Variants in IGF1R observed in about 807,000 individuals in gnomAD.
IGF1R encodes the protein insulin-like growth factor 1 receptor.
IGF1R carries 44 observed loss-of-function variants against 144.6 expected under a neutral mutation model. That is an observed-to-expected ratio of 0.30 (90% CI 0.24 to 0.39). The LOEUF (loss-of-function observed/expected upper bound fraction) is 0.39, where lower values mean the gene tolerates loss of function less well. IGF1R is among the 10% of genes least tolerant of loss of function. The pLI is 1.00. For synonymous variants in IGF1R, 795 were observed against 722.8 expected (o/e 1.10, Z -1.60); for missense variants, 1,355 against 1,833.7 (o/e 0.74, Z 4.77).
chr15:98,777,763 G>A (rs185311175), intron 2 of IGF1R, among the ~76,000 whole-genome samples: 20 of 152,344 alleles, frequency 1.3e-4, no homozygotes, highest in Non-Finnish European at 2.5e-4. Flanking sequence ...ACAGATGTAA[G>A]ATGAGGTCTG....
chr15:98,744,659 A>C (rs553857256), intron 2 of IGF1R, among the ~76,000 whole-genome samples: 1 of 152,274 alleles, frequency 6.6e-6, no homozygotes, highest in South Asian at 2.1e-4. Flanking sequence ...GTAAGGACCC[A>C]GAGGTCTGAG....
At chr15:98,805,530 G>A (rs2056452850) in intron 2 of IGF1R, among the ~76,000 whole-genome samples, 1 of 151,922 alleles carries the variant, frequency 6.6e-6, no homozygotes, top group South Asian at 2.1e-4. Flanking sequence ...GTGATTCAGA[G>A]CACCTGAGAG....
chr15:98,950,947 C>T (rs1421930289), intron 20 of IGF1R, among the ~76,000 whole-genome samples: 1 of 152,184 alleles, frequency 6.6e-6, no homozygotes, highest in Non-Finnish European at 1.5e-5. Flanking sequence ...TCCCTAAGCT[C>T]CTTGTAAATG....
chr15:98,705,792 TTC>T (rs1183480388), intron 1 of IGF1R, among the ~76,000 whole-genome samples: 1 of 152,210 alleles, frequency 6.6e-6, no homozygotes, highest in African/African-American at 2.4e-5. Context: ...TCACATGGGC[TTC>T]TCTCCCGCTC....
At position 98,736,610 on chromosome 15, in the gene IGF1R, C is replaced by CTTTT. The variant is rs1321651793; in HGVS notation, c.640+28506_640+28509dup. Among the ~76,000 whole-genome samples, 4 of 138,978 alleles carry CTTTT rather than the reference C, an allele frequency of 2.9e-5. 1 individual carries two copies. Among genetic ancestry groups the CTTTT allele is most frequent in the Non-Finnish European group, 6.4e-5 (4 of 62,898 alleles). The allele number at this position is 138,978 out of a possible 152,430, so 91.2% of individuals were successfully genotyped here. ...AATTAGTGGGAATATTTTCTTTTTT[C>CTTTT]TTTTTTCTTTTTTTTTTTTGAGACA... On this transcript the variant is annotated intron_variant, in intron 2 of 20. Coordinates refer to ENST00000650285, the MANE Select transcript of IGF1R (RefSeq NM_000875.5).
chr15:98,772,604 C>T (rs1596291308), intron 2 of IGF1R, among the ~76,000 whole-genome samples: 1 of 151,484 alleles, frequency 6.6e-6, no homozygotes, highest in East Asian at 1.9e-4. Flanking sequence ...TCAAACAGTC[C>T]TCCTCCCTCA....
At chr15:98,900,888 T>C (rs2014447312) in intron 5 of IGF1R, 1 of 152,204 alleles carries the variant, frequency 6.6e-6, no homozygotes, top group African/African-American at 2.4e-5. Flanking sequence ...AGCAGAGCAG[T>C]AGCTGTCAAA....
At chr15:98,654,079 C>G (rs576344131) in intron 1 of IGF1R, among the ~76,000 whole-genome samples, 1 of 152,288 alleles carries the variant, frequency 6.6e-6, no homozygotes, top group Non-Finnish European at 1.5e-5. Flanking sequence ...GTGCAGTTTT[C>G]AAGTAGACAG....
At chr15:98,700,904 A>G (rs535683490) in intron 1 of IGF1R, among the ~76,000 whole-genome samples, 4 of 151,784 alleles carry the variant, frequency 2.6e-5, no homozygotes, top group East Asian at 1.9e-4. Flanking sequence ...GGTTCTGTCT[A>G]TTGCGCTATT....
At chr15:98,864,729 T>A (rs536235091) in intron 2 of IGF1R, among the ~76,000 whole-genome samples, 2 of 152,376 alleles carry the variant, frequency 1.3e-5, no homozygotes, top group East Asian at 3.9e-4. Flanking sequence ...AAAAATTGTC[T>A]GTTGTATTCT....
At chr15:98,783,941 A>G (rs557208998) in intron 2 of IGF1R, among the ~76,000 whole-genome samples, 1 of 143,334 alleles carries the variant, frequency 7.0e-6, no homozygotes, top group Admixed American at 7.0e-5. Flanking sequence ...TCTATTGCAA[A>G]TACTATGGCA....
intron 2 of IGF1R, among the ~76,000 whole-genome samples, chr15:98,820,228 G>A (rs982764337): frequency 2.0e-5 from 3 of 151,434 alleles, no homozygotes; most frequent in African/African-American, 4.9e-5. Flanking sequence ...TATAATTCTA[G>A]CCTTTTTCTC....
intron 19 of IGF1R, among the ~76,000 whole-genome samples, chr15:98,946,396 G>C (rs991521685): frequency 6.6e-6 from 1 of 152,118 alleles, no homozygotes; most frequent in Non-Finnish European, 1.5e-5. Flanking sequence ...TGAACCAGAG[G>C]GTGATTAGAG....
intron 2 of IGF1R, among the ~76,000 whole-genome samples, chr15:98,728,008 T>TTTG (rs1555436595): frequency 4.8e-4 from 2 of 4,126 alleles, no homozygotes; most frequent in South Asian, 7.5e-3. Flanking sequence ...AGATGCATTG[T>TTTG]TTTTTTTTTT....
intron 2 of IGF1R, among the ~76,000 whole-genome samples, chr15:98,796,668 T>C (rs964720512): frequency 1.3e-5 from 2 of 152,230 alleles, no homozygotes; most frequent in Middle Eastern, 3.2e-3. Context: ...CCACAGCACT[T>C]ATTTTCTAAC....
In IGF1R at chr15:98,891,066, G is replaced by A. The variant is rs551477389; in HGVS notation, c.641-259G>A. On this transcript the variant is annotated intron_variant, in intron 2 of 20. Coordinates refer to ENST00000650285, the MANE Select transcript of IGF1R (RefSeq NM_000875.5). This position sits in a 1 kb window ranked among gnomAD's most constrained non-coding sequence, Gnocchi z 4.7. The stretch of plus-strand genomic sequence containing the variant: ...AAGAGAGAGGATCAAGATCACAGAA[G>A]CTAATGGTTTGTCCCAGACCAAACA... Among the ~76,000 whole-genome samples the A allele has an allele frequency of 6.6e-6, 1 of 152,306 alleles. No homozygotes were observed. The highest frequency in any genetic ancestry group is 2.1e-4 in the South Asian group (1 of 4,828).
Position 98,871,208 on chromosome 15 carries a change from G to A in IGF1R, c.641-20117G>A, listed in dbSNP as rs978332212. Among the ~76,000 whole-genome samples, 6 of 152,230 alleles carry A rather than the reference G, an allele frequency of 3.9e-5. No individual in the cohort carries two copies. In the South Asian group the frequency reaches 8.3e-4, roughly 21 times the overall value. ...CTCAAGCAAGCATCCAAGTTGTTCC[G>A]GTGAACCCGTAACTTTGAGTAACCT... is the stretch of plus-strand genomic sequence containing the variant. On this transcript the variant is annotated intron_variant, in intron 2 of 20. Coordinates refer to ENST00000650285, the MANE Select transcript of IGF1R (RefSeq NM_000875.5).
chr15:98,861,937 C>G (rs1323638104), intron 2 of IGF1R, among the ~76,000 whole-genome samples: 1 of 152,236 alleles, frequency 6.6e-6, no homozygotes, highest in Non-Finnish European at 1.5e-5. Context: ...TTTTCACATT[C>G]ACTTTTGGCC....
At chr15:98,768,732 A>G (rs2055501978) in intron 2 of IGF1R, among the ~76,000 whole-genome samples, 1 of 126,168 alleles carries the variant, frequency 7.9e-6, no homozygotes, top group African/African-American at 2.9e-5. Context: ...ATCCTGGCTA[A>G]CACGGTGAAA....
Sources: gnomAD v4.1 joint callset for allele counts (sites outside exome capture counted in the v4.1 genomes callset) on GRCh38, gnomAD v4.1.1 for gene constraint, Gnocchi (gnomAD v3.1) non-coding constraint, MANE v1.5 for transcripts, NCBI Gene and HGNC (gene_info 2026-07-23, HGNC 2026-07-21) for gene names.